The following RPS6KC1 variants were observed in gnomAD, a reference collection of about 807,000 sequenced individuals.
RPS6KC1 encodes inactive ribosomal protein S6 kinase delta-1.
Under a neutral mutation model 103.8 loss-of-function variants are expected in RPS6KC1, and 54 were observed. That is an observed-to-expected ratio of 0.52 (90% confidence interval 0.42 to 0.65). The LOEUF is 0.65. Among genes scored for constraint, RPS6KC1 ranks in the 30% least tolerant of loss-of-function variants. RPS6KC1 has a pLI of 0.00. For missense variants in RPS6KC1, 1,151 were observed against 1,253.8 expected, an observed-to-expected ratio of 0.92 and a Z score of 1.24; for synonymous variants, 439 against 438.7, an observed-to-expected ratio of 1.00 and a Z score of -0.01.
chr1:213,682,572 T>C, the RPS6KC1 span, among the ~76,000 whole-genome samples: 2 of 152,234 alleles, frequency 1.3e-5, no homozygotes, highest in African/African-American at 4.8e-5. Flanking sequence ...TGAAAAGTGA[T>C]GTAAAGTTCT....
the RPS6KC1 span, among the ~76,000 whole-genome samples, chr1:213,304,222 A>G: frequency 6.6e-6 from 1 of 151,212 alleles, no homozygotes; most frequent in Non-Finnish European, 1.5e-5. Context: ...AAAAAAAAAA[A>G]AAAAGAAGGT....
At chr1:213,212,104 T>C (rs1445935773) in intron 8 of RPS6KC1, among the ~76,000 whole-genome samples, 4 of 152,122 alleles carry the variant, frequency 2.6e-5, no homozygotes, top group Non-Finnish European at 5.9e-5. Context: ...CAGTTCATAG[T>C]TTATATTAAG....
At chr1:213,271,087 C>G (rs760729986) in intron 14 of RPS6KC1, among the ~76,000 whole-genome samples, 1 of 152,142 alleles carries the variant, frequency 6.6e-6, no homozygotes, top group Non-Finnish European at 1.5e-5. Context: ...GCAATGTAAT[C>G]AAGAAAAATG....
At chr1:213,281,907 G>A in the RPS6KC1 span, among the ~76,000 whole-genome samples, 7 of 152,162 alleles carry the variant, frequency 4.6e-5, no homozygotes, top group Non-Finnish European at 5.9e-5. Context: ...TGTTGTGGAA[G>A]CTCTAAATCC....
chr1:213,425,364 A>G, the RPS6KC1 span, among the ~76,000 whole-genome samples: 1 of 152,180 alleles, frequency 6.6e-6, no homozygotes, highest in Middle Eastern at 3.4e-3. Flanking sequence ...GCTGATTTGC[A>G]TTTTCTATGC....
chr1:213,515,756 A>G, the RPS6KC1 span, among the ~76,000 whole-genome samples: 2 of 152,110 alleles, frequency 1.3e-5, no homozygotes, highest in African/African-American at 4.8e-5. Context: ...GTTTTTTTCA[A>G]TTCTGTGAAG....
intron 3 of RPS6KC1, among the ~76,000 whole-genome samples, chr1:213,079,840 A>G (rs2079695320): frequency 1.3e-5 from 2 of 152,004 alleles, no homozygotes; most frequent in South Asian, 2.1e-4. Context: ...GCTTCTAGAC[A>G]TAACTGAATT....
the RPS6KC1 span, among the ~76,000 whole-genome samples, chr1:213,616,052 TCTC>T: frequency 6.6e-6 from 1 of 152,316 alleles, no homozygotes; most frequent in South Asian, 2.1e-4. Flanking sequence ...GTGTGTCCCT[TCTC>T]CTCCCTCACA....
intron 8 of RPS6KC1, among the ~76,000 whole-genome samples, chr1:213,179,986 CAG>C (rs2092161491): frequency 3.3e-5 from 5 of 152,094 alleles, no homozygotes; most frequent in African/African-American, 9.7e-5. Context: ...GGTGACAACT[CAG>C]AAAGTGTTTA....
At chr1:213,650,106 G>T in the RPS6KC1 span, among the ~76,000 whole-genome samples, 1 of 152,112 alleles carries the variant, frequency 6.6e-6, no homozygotes, top group African/African-American at 2.4e-5. Context: ...GCCCAGGTTT[G>T]GTCCCTTTCT....
At chr1:213,458,450 TG>T in the RPS6KC1 span, among the ~76,000 whole-genome samples, 1 of 152,202 alleles carries the variant, frequency 6.6e-6, no homozygotes, top group Non-Finnish European at 1.5e-5. Flanking sequence ...TGAATAGCAC[TG>T]CAGAGAGCAC....
At chr1:213,634,472 A>G in the RPS6KC1 span, among the ~76,000 whole-genome samples, 1 of 152,258 alleles carries the variant, frequency 6.6e-6, no homozygotes, top group Non-Finnish European at 1.5e-5. Flanking sequence ...TCTGCTCCTG[A>G]ATGACTATTG....
chr1:213,133,871 T>C (rs1484153440), intron 6 of RPS6KC1, among the ~76,000 whole-genome samples: 1 of 152,186 alleles, frequency 6.6e-6, no homozygotes, highest in Non-Finnish European at 1.5e-5. Context: ...TTCTCACATG[T>C]TCCTCCTAAT....
rs143369165 is a variant in RPS6KC1 at position 213,267,177 on chromosome 1, T to C, written c.3090+4361T>C. Among the ~76,000 whole-genome samples, 4 of 151,944 alleles carry C rather than the reference T, an allele frequency of 2.6e-5. No homozygotes were observed. The East Asian group carries it at 7.7e-4, about 29-fold the overall frequency. ...AACTTTGAATGTGTTCTGCTATGCG[T>C]TGGCAGAGAACAGAAGCTTGAAGGG... On this transcript the variant is annotated intron_variant, in intron 14 of 14. Transcript: ENST00000366960.
At chr1:213,257,786 CTTTTTTTTTTTTTTTTTTT>C (rs71147062) in intron 12 of RPS6KC1, among the ~76,000 whole-genome samples, 18 of 49,432 alleles carry the variant, frequency 3.6e-4, no homozygotes, top group Admixed American at 1.5e-3. Context: ...ACAGGTAAAA[CTTTTTTTTTTTTTTTTTTT>C]TTTTTTTTTT....
At chr1:213,092,149 T>C (rs2081025767) in intron 3 of RPS6KC1, among the ~76,000 whole-genome samples, 1 of 152,196 alleles carries the variant, frequency 6.6e-6, no homozygotes, top group Admixed American at 6.5e-5. Context: ...AGTAGTATTA[T>C]TAAAATGGTT....
At position 213,189,471 on chromosome 1, in the gene RPS6KC1, T is replaced by G. The variant is rs914968223; in HGVS notation, c.1044+12979T>G. On this transcript the variant is annotated intron_variant, in intron 8 of 14. Coordinates refer to ENST00000366960, the MANE Select transcript of RPS6KC1 (RefSeq NM_012424.6). ...CTCAAAAAAAAAAAAAAAAAAAAAG[T>G]GTACGTTGACATATCCTCACACTTC... 3.7e-4 allele frequency among the ~76,000 whole-genome samples: 53 copies of G among 143,580 alleles called. No individual in the cohort carries two copies. The East Asian group carries it at 4.1e-3, about 11-fold the overall frequency. 94.2% of individuals were successfully genotyped at this position (143,580 alleles called of 152,430 possible).
chr1:213,135,789 C>T (rs2086204450), intron 6 of RPS6KC1, among the ~76,000 whole-genome samples: 1 of 152,306 alleles, frequency 6.6e-6, no homozygotes. Flanking sequence ...TAGGAGTCAG[C>T]AGTTACTAAT....
chr1:213,670,838 C>T, the RPS6KC1 span, among the ~76,000 whole-genome samples: 1 of 152,210 alleles, frequency 6.6e-6, no homozygotes, highest in African/African-American at 2.4e-5. Context: ...CCTCCAGTTC[C>T]AGCACTTCTA....
Sources: gnomAD v4.1 joint callset for allele counts (sites outside exome capture counted in the v4.1 genomes callset) on GRCh38, gnomAD v4.1.1 for gene constraint, MANE v1.5 for transcripts, NCBI Gene and HGNC (gene_info 2026-07-23, HGNC 2026-07-21) for gene names.